Variants in ANKRD30BL observed in about 807,000 individuals in gnomAD.
ANKRD30BL encodes ankyrin repeat domain 30B like.
In ANKRD30BL, 20 loss-of-function variants were observed where a neutral mutation model predicts 18.4. The observed-to-expected ratio is 1.09, with a 90% CI of 0.77 to 1.58. The LOEUF (loss-of-function observed/expected upper bound fraction) is 1.58, where lower values mean the gene tolerates loss of function less well. Among genes scored for constraint, ANKRD30BL ranks in the 40% most tolerant of loss-of-function variants. ANKRD30BL has a pLI of 0.00. For synonymous variants in ANKRD30BL, 72 were observed against 100.9 expected, an observed-to-expected ratio of 0.71 and a Z score of 1.72; for missense variants, 224 against 268.6, an observed-to-expected ratio of 0.83 and a Z score of 1.16.
chr2:132,168,594 TG>T (rs1459229371), intron 1 of ANKRD30BL, among the ~76,000 whole-genome samples: 3 of 152,086 alleles, frequency 2.0e-5, no homozygotes, highest in Admixed American at 2.0e-4. Flanking sequence ...GTAGGAAAAA[TG>T]GGGAGATGCT....
At chr2:132,173,817 T>C (rs1200819444) in intron 1 of ANKRD30BL, among the ~76,000 whole-genome samples, 2 of 152,212 alleles carry the variant, frequency 1.3e-5, no homozygotes, top group Non-Finnish European at 2.9e-5. Context: ...GAGAAAATTA[T>C]ACTCTGGCCA....
intron 3 of ANKRD30BL, chr2:132,155,415 A>T (rs1413329247): frequency 6.6e-6 from 1 of 152,204 alleles, no homozygotes; most frequent in Non-Finnish European, 1.5e-5. Flanking sequence ...AACTCACTTG[A>T]TTCTCTTCTA....
At chr2:132,199,794 C>A (rs1679056178) in intron 1 of ANKRD30BL, among the ~76,000 whole-genome samples, 1 of 152,110 alleles carries the variant, frequency 6.6e-6, no homozygotes, top group South Asian at 2.1e-4. Flanking sequence ...ATTTAAAAGT[C>A]ATTCTTTCTG....
chr2:132,162,701 C>T (rs1487776730), upstream of ANKRD30BL, among the ~76,000 whole-genome samples: 1 of 152,242 alleles, frequency 6.6e-6, no homozygotes, highest in Non-Finnish European at 1.5e-5. Flanking sequence ...GGGCTGGGCC[C>T]GACGGCCTGA....
chr2:132,194,628 A>G (rs1273327197), intron 1 of ANKRD30BL, among the ~76,000 whole-genome samples: 1 of 152,106 alleles, frequency 6.6e-6, no homozygotes, highest in Admixed American at 6.6e-5. Flanking sequence ...CTTTCCCTCT[A>G]CAGGTGTAAG....
intron 1 of ANKRD30BL, among the ~76,000 whole-genome samples, chr2:132,202,135 C>T (rs77979843): frequency 1.3e-5 from 2 of 151,228 alleles, no homozygotes; most frequent in South Asian, 2.1e-4. Context: ...CACACTGGGG[C>T]CTGTTGTGGG....
At chr2:132,167,275 T>TTTTTAA (rs1238241665) in intron 1 of ANKRD30BL, among the ~76,000 whole-genome samples, 6 of 111,176 alleles carry the variant, frequency 5.4e-5, no homozygotes, top group African/African-American at 1.4e-4. Flanking sequence ...CATTCATTTA[T>TTTTTAA]TTTTATTTTA....
At chr2:132,254,698 C>A (rs1680772542) in intron 1 of ANKRD30BL, among the ~76,000 whole-genome samples, 1 of 152,246 alleles carries the variant, frequency 6.6e-6, no homozygotes, top group Admixed American at 6.5e-5. Flanking sequence ...CAGCCCTGGA[C>A]ATTTAAGGGC....
At chr2:132,191,379 T>C (rs1163778639) in intron 1 of ANKRD30BL, among the ~76,000 whole-genome samples, 5 of 152,148 alleles carry the variant, frequency 3.3e-5, no homozygotes, top group Admixed American at 6.5e-5. Flanking sequence ...TTCATTTGTA[T>C]GCACATGTTT....
rs557856628 is a variant in ANKRD30BL at position 132,203,105 on chromosome 2, C to A, written n.442-45959G>T. Reference sequence around the variant, plus strand: ...CTATTTTCGGTCAACCACAAACCACCCACCCCTGCTGAAATAAAAACTTAA... The same window carrying A: ...CTATTTTCGGTCAACCACAAACCACACACCCCTGCTGAAATAAAAACTTAA... On this transcript the variant is annotated intron_variant and non_coding_transcript_variant, in intron 1 of 4. Coordinates refer to the ANKRD30BL transcript ENST00000470729. 2.0e-5 allele frequency among the ~76,000 whole-genome samples: 3 copies of A among 152,406 alleles called. No homozygotes were observed. The South Asian group carries it at 6.2e-4, about 32-fold the overall frequency.
chr2:132,188,454 C>CGCCTATA (rs1441267479), intron 1 of ANKRD30BL, among the ~76,000 whole-genome samples: 1 of 152,204 alleles, frequency 6.6e-6, no homozygotes, highest in Non-Finnish European at 1.5e-5. Flanking sequence ...CGGTGGCTCA[C>CGCCTATA]GCCTATAATC....
chr2:132,205,825 A>T (rs1391163892), intron 1 of ANKRD30BL, among the ~76,000 whole-genome samples: 1 of 151,998 alleles, frequency 6.6e-6, no homozygotes, highest in Non-Finnish European at 1.5e-5. Flanking sequence ...AACTTCAAAA[A>T]TACCACTCAA....
chr2:132,164,371 A>G (rs1003304320), upstream of ANKRD30BL, among the ~76,000 whole-genome samples: 8 of 147,720 alleles, frequency 5.4e-5, no homozygotes, highest in African/African-American at 1.8e-4. Flanking sequence ...GCTCACTGCA[A>G]CCTCTACTTC....
At chr2:132,153,393 G>A (rs908534455) in intron 4 of ANKRD30BL, 37 of 373,072 alleles carry the variant, frequency 9.9e-5, no homozygotes, top group East Asian at 7.4e-5. Context: ...CAACATTAGC[G>A]TCCCTAAAGC....
chr2:132,185,267 C>T lies in ANKRD30BL; in HGVS notation n.442-28121G>A, dbSNP rs187735243. On this transcript the variant is annotated intron_variant and non_coding_transcript_variant, in intron 1 of 4. Transcript: ENST00000470729. ...AAGCTGGACTGTGCTCCGGCTCAAT[C>T]GGCTCCACTTGCACACCTCTCAGCA... 3.9e-5 allele frequency among the ~76,000 whole-genome samples: 6 copies of T among 152,274 alleles called. No homozygotes were observed. The South Asian group carries it at 8.3e-4, about 21-fold the overall frequency.
chr2:132,257,781 T>A (rs796734057), exon 1 of ANKRD30BL: 1 of 153,464 alleles, frequency 6.5e-6, no homozygotes, highest in Admixed American at 6.5e-5. Context: ...AAAATCTGCG[T>A]GCGGCAACCT....
chr2:132,239,484 C>T (rs1414218294), intron 1 of ANKRD30BL, among the ~76,000 whole-genome samples: 3 of 151,612 alleles, frequency 2.0e-5, no homozygotes, highest in South Asian at 2.1e-4. Flanking sequence ...GAAAAGTACA[C>T]AGAAGAATTC....
chr2:132,201,837 G>A (rs2104748137), intron 1 of ANKRD30BL, among the ~76,000 whole-genome samples: 1 of 152,282 alleles, frequency 6.6e-6, no homozygotes, highest in Admixed American at 6.5e-5. Context: ...AAAGACACAT[G>A]CACACGTATG....
In ANKRD30BL at chr2:132,250,323, G is replaced by A. The variant is rs564879039; in HGVS notation, n.441+7206C>T. Among the ~76,000 whole-genome samples the A allele has an allele frequency of 9.5e-3, 1,439 of 151,944 alleles. 22 individuals are homozygous for A. The highest frequency in any genetic ancestry group is 0.032 in the African/African-American group (1,309 of 41,450). ...CGGAAACATTCATTATAGTTTTTATGTGAAGGTATTTCCTTTTTCACCATG... is the reference window on the plus strand; with the variant it reads ...CGGAAACATTCATTATAGTTTTTATATGAAGGTATTTCCTTTTTCACCATG... On this transcript the variant is annotated intron_variant and non_coding_transcript_variant, in intron 1 of 4. Coordinates refer to the ANKRD30BL transcript ENST00000470729.
Sources: gnomAD v4.1 joint callset for allele counts (sites outside exome capture counted in the v4.1 genomes callset) on GRCh38, gnomAD v4.1.1 for gene constraint, MANE v1.5 for transcripts, NCBI Gene and HGNC (gene_info 2026-07-23, HGNC 2026-07-21) for gene names.